The following COPA variants were observed in gnomAD, a reference collection of about 807,000 sequenced individuals.
The protein encoded by COPA is coat protein complex I subunit alpha, also known as coatomer subunit alpha.
A neutral mutation model predicts 158.7 loss-of-function variants in COPA; 10 were observed. That is an observed-to-expected ratio of 0.06 (90% CI 0.04 to 0.11). COPA has a LOEUF of 0.11. Ranked by LOEUF, COPA falls within the 10% of genes least tolerant of loss-of-function variation. The pLI is 1.00. For missense variants in COPA, 1,065 were observed against 1,536.7 expected, an observed-to-expected ratio of 0.69 and a Z score of 5.13; for synonymous variants, 462 against 542.8, an observed-to-expected ratio of 0.85 and a Z score of 2.07.
chr1:160,291,038 G>A (rs1213590923), intron 31 of COPA, among the ~76,000 whole-genome samples: 2 of 152,172 alleles, frequency 1.3e-5, no homozygotes, highest in Non-Finnish European at 2.9e-5. Flanking sequence ...GAAGCTTTGT[G>A]GTGGTTGTGA....
In COPA at chr1:160,290,198, C is replaced by T. The variant is rs1353530371; in HGVS notation, c.3634G>A (p.Asp1212Asn). 1 of 1,613,982 alleles carries T rather than the reference C, an allele frequency of 6.2e-7. No individual in the cohort carries two copies. Among genetic ancestry groups the T allele is most frequent in the Non-Finnish European group, 8.5e-7 (1 of 1,180,014 alleles). Residue 1212 changes from aspartate (D) to asparagine (N), a missense_variant, in exon 33 of 33, where the codon GAT (aspartate) becomes AAT (asparagine). By Grantham distance (23) the Asp-to-Asn change is conservative. This residue lies in a region of COPA where 980 missense variants were observed against 1,357.8 expected (regional missense o/e 0.72). Coordinates refer to ENST00000241704, the MANE Select transcript of COPA (RefSeq NM_004371.4). ...GGACTGATCCTTAAACCAATCACAT[C>T]TTTGCCAATCTCTGTCACCTGTGGA... ...RVTTVTEIGK[D>N]VIGLRISPLQ...
chr1:160,297,788 G>T (rs951633341), intron 19 of COPA, 43 bp from the exon 20 acceptor site: 1 of 1,592,756 alleles, frequency 6.3e-7, no homozygotes, highest in African/African-American at 1.4e-5. Flanking sequence ...GAAGGACAAT[G>T]TGACTCAAAA....
intron 3 of COPA, among the ~76,000 whole-genome samples, chr1:160,335,671 C>T (rs926510567): frequency 6.6e-6 from 1 of 150,812 alleles, no homozygotes; most frequent in African/African-American, 2.4e-5. Flanking sequence ...ATCACAAGGT[C>T]AGGAGATCGA....
intron 5 of COPA, 44 bp from the exon 6 acceptor site, chr1:160,332,601 C>T (rs778669043): frequency 7.5e-7 from 1 of 1,341,206 alleles, no homozygotes; most frequent in Non-Finnish European, 1.0e-6. Context: ...AGGTGGAAGT[C>T]AACAGACTCC....
intron 17 of COPA, among the ~76,000 whole-genome samples, chr1:160,302,814 A>T (rs1184127405): frequency 6.6e-6 from 1 of 151,790 alleles, no homozygotes; most frequent in Non-Finnish European, 1.5e-5. Flanking sequence ...TCAGCCTCCC[A>T]AAGTGCTGGG....
chr1:160,299,564 C>T (rs1444966922), intron 17 of COPA, among the ~76,000 whole-genome samples: 1 of 152,082 alleles, frequency 6.6e-6, no homozygotes, highest in African/African-American at 2.4e-5. Context: ...TGATTATGGA[C>T]AGGTAACTCC....
At chr1:160,292,710 G>A (rs758760810) in intron 27 of COPA, 90 bp from the exon 28 acceptor site, 16 of 1,061,194 alleles carry the variant, frequency 1.5e-5, no homozygotes, top group Non-Finnish European at 1.9e-5. Context: ...CTCTGTTCAC[G>A]TTTCCTCATC....
At chr1:160,340,332 GC>G (rs1647980938) in intron 1 of COPA, 38 bp from the exon 2 acceptor site, 1 of 1,284,618 alleles carries the variant, frequency 7.8e-7, no homozygotes. Flanking sequence ...AGCTAACTAA[GC>G]CCCATGATGT....
At chr1:160,328,133 G>A (rs1430633849) in intron 6 of COPA, among the ~76,000 whole-genome samples, 1 of 152,028 alleles carries the variant, frequency 6.6e-6, no homozygotes, top group Non-Finnish European at 1.5e-5. Context: ...TCTCCCAAAG[G>A]CTCATAAATA....
rs745932575 is a variant in COPA, at chr1:160,294,559, ATCC to A, written c.2598_2600del (p.Asp868del). ...CTTCCTGTCCCTTGCCAAGAGCATC[ATCC>A]CCCAAACCTTCTGTAGCCTCCACAA... On this transcript the variant is annotated inframe_deletion, in exon 25 of 33. Coordinates refer to ENST00000241704, the MANE Select transcript of COPA (RefSeq NM_004371.4). 32 of 1,614,206 alleles carry A rather than the reference ATCC, an allele frequency of 2.0e-5. No individual in the cohort carries two copies. The East Asian group carries it at 7.1e-4, about 36-fold the overall frequency.
intron 3 of COPA, 145 bp downstream of exon 3, chr1:160,339,764 T>C (rs1647949616): frequency 1.5e-6 from 1 of 656,950 alleles, no homozygotes; most frequent in Admixed American, 2.9e-5. Flanking sequence ...TCAATAAATG[T>C]TTGCTGAGTA....
chr1:160,331,991 C>T (rs1647545725), intron 6 of COPA, among the ~76,000 whole-genome samples: 1 of 152,042 alleles, frequency 6.6e-6, no homozygotes, highest in African/African-American at 2.4e-5. Context: ...TCACCAACTC[C>T]TAGAACCCAA....
intron 13 of COPA, chr1:160,308,811 C>T: frequency 3.0e-6 from 1 of 336,042 alleles, no homozygotes; most frequent in East Asian, 5.6e-5. Context: ...GGGTGAAAGT[C>T]ATATCAACTG....
intron 13 of COPA, among the ~76,000 whole-genome samples, chr1:160,308,419 G>C (rs1044515565): frequency 2.0e-5 from 3 of 152,192 alleles, no homozygotes; most frequent in Non-Finnish European, 2.9e-5. Flanking sequence ...CTGTTGATGG[G>C]GTCTAAAATA....
chr1:160,341,100 A>G (rs1456355442), intron 1 of COPA, among the ~76,000 whole-genome samples: 1 of 152,204 alleles, frequency 6.6e-6, no homozygotes, highest in Non-Finnish European at 1.5e-5. Context: ...CCTTTGTTTC[A>G]TACATTTTGT....
intron 13 of COPA, 55 bp from the exon 14 acceptor site, chr1:160,307,300 CA>C: frequency 1.3e-6 from 2 of 1,555,366 alleles, no homozygotes; most frequent in Non-Finnish European, 1.8e-6. Context: ...TGGCAGGTGA[CA>C]TAGTCGGGTG....
chr1:160,321,489 AC>A (rs1659329103), intron 8 of COPA, among the ~76,000 whole-genome samples: 1 of 152,166 alleles, frequency 6.6e-6, no homozygotes, highest in Non-Finnish European at 1.5e-5. Flanking sequence ...AAATCAACAT[AC>A]AAAAATCAGT....
rs376400505 is a variant in COPA at position 160,290,624 on chromosome 1, G to A, written c.3483C>T (p.Asp1161=). The A allele has an allele frequency of 1.8e-4, 284 of 1,614,190 alleles. 2 individuals are homozygous for A. The highest frequency in any genetic ancestry group is 7.7e-4 in the South Asian group (70 of 91,080). The change falls in exon 32 of 33, where the codon GAC becomes GAT. Residue 1161 remains aspartate (D), a synonymous_variant. Coordinates refer to ENST00000241704, the MANE Select transcript of COPA (RefSeq NM_004371.4). The part of the protein sequence containing the change: ...NPTDAYQLNY[D]MHNPFDICAA... Reference sequence around the variant, plus strand: ...CACAAATGTCAAAGGGGTTGTGCATGTCATAATTGAGCTGGTAGGCATCTG... The same window carrying A: ...CACAAATGTCAAAGGGGTTGTGCATATCATAATTGAGCTGGTAGGCATCTG...
intron 5 of COPA, 156 bp downstream of exon 5, chr1:160,333,447 A>G: frequency 1.9e-6 from 1 of 526,842 alleles, no homozygotes; most frequent in East Asian, 3.0e-5. Context: ...CTCTACATTT[A>G]TTATTTTGCA....
Sources: gnomAD v4.1 joint callset for allele counts (sites outside exome capture counted in the v4.1 genomes callset) on GRCh38, gnomAD v4.1.1 for gene constraint, gnomAD v4.1.1 regional missense constraint, MANE v1.5 for transcripts, NCBI Gene and HGNC (gene_info 2026-07-23, HGNC 2026-07-21) for gene names.